The following MECOM variants were observed in gnomAD, a reference collection of about 807,000 sequenced individuals.
MECOM encodes MDS1 and EVI1 complex locus.
MECOM carries 13 observed loss-of-function variants against 116.3 expected under a neutral mutation model. That is an observed-to-expected ratio of 0.11 (90% CI 0.07 to 0.18). MECOM has a LOEUF of 0.18. MECOM is among the 10% of genes least tolerant of loss of function. The pLI is 1.00. For synonymous variants in MECOM, 528 were observed against 535.2 expected (o/e 0.99, Z 0.19); for missense variants, 1,299 against 1,509.0 (o/e 0.86, Z 2.31).
intron 2 of MECOM, among the ~76,000 whole-genome samples, chr3:169,365,079 C>T (rs1728930202): frequency 6.6e-6 from 1 of 151,982 alleles, no homozygotes; most frequent in South Asian, 2.1e-4. Flanking sequence ...CTCCTTGTCT[C>T]TTACAGGAGA....
At chr3:169,198,612 C>T (rs1274458250) in intron 2 of MECOM, among the ~76,000 whole-genome samples, 1 of 151,924 alleles carries the variant, frequency 6.6e-6, no homozygotes, top group Non-Finnish European at 1.5e-5. Flanking sequence ...GATTCTTTTT[C>T]CTTCGCATAC....
At chr3:169,221,668 A>C (rs1012066209) in intron 2 of MECOM, among the ~76,000 whole-genome samples, 1 of 152,152 alleles carries the variant, frequency 6.6e-6, no homozygotes, top group Non-Finnish European at 1.5e-5. Flanking sequence ...CTGGCTGTCA[A>C]ATCTCACAAC....
chr3:169,581,881 G>A (rs1432566122), intron 1 of MECOM, among the ~76,000 whole-genome samples: 1 of 152,232 alleles, frequency 6.6e-6, no homozygotes, highest in Non-Finnish European at 1.5e-5. Flanking sequence ...GACTAATGAA[G>A]TCGTGGTATA....
rs549590769 is a variant in MECOM at position 169,469,981 on chromosome 3, A to G, written c.38-88457T>C. Among the ~76,000 whole-genome samples, 14 of 152,306 alleles carry G rather than the reference A, an allele frequency of 9.2e-5. No homozygotes were observed. In the South Asian group the frequency reaches 2.9e-3, roughly 32 times the overall value. On this transcript the variant is annotated intron_variant, in intron 1 of 16. Transcript: ENST00000651503. ...TTCCAGCAGCTAGCCTTCCTAAGAA[A>G]CTGATATGATATTAAAGCTCCAGAG...
chr3:169,264,789 G>A (rs932532652), intron 2 of MECOM, among the ~76,000 whole-genome samples: 1 of 152,166 alleles, frequency 6.6e-6, no homozygotes, highest in Non-Finnish European at 1.5e-5. Context: ...TCTACCTAAA[G>A]AGTAAGCATT....
At chr3:169,627,225 A>G (rs1771491607) in intron 1 of MECOM, among the ~76,000 whole-genome samples, 1 of 152,160 alleles carries the variant, frequency 6.6e-6, no homozygotes, top group Non-Finnish European at 1.5e-5. Context: ...AAATGGCACT[A>G]TGTCGTGAGG....
In MECOM at chr3:169,450,812, A is replaced by C. The variant is rs181245442; in HGVS notation, c.38-69288T>G. 3.3e-5 allele frequency among the ~76,000 whole-genome samples: 5 copies of C among 152,326 alleles called. No individual in the cohort carries two copies. The East Asian group carries it at 9.6e-4, about 29-fold the overall frequency. On this transcript the variant is annotated intron_variant, in intron 1 of 16. Coordinates refer to ENST00000651503, the MANE Select transcript of MECOM (RefSeq NM_004991.4). ...GCAGAAATTTTCACAAAAGCTGTGC[A>C]TCAGGAGCTGTTATTACAAATGAGG...
At chr3:169,355,232 T>C (rs538862335) in intron 2 of MECOM, among the ~76,000 whole-genome samples, 158 of 152,106 alleles carry the variant, frequency 1.0e-3, no homozygotes, top group Middle Eastern at 3.4e-3. Flanking sequence ...TTTAGTTCTG[T>C]GTTTTACAAA....
chr3:169,253,032 C>T (rs1452453577), intron 2 of MECOM, among the ~76,000 whole-genome samples: 1 of 152,052 alleles, frequency 6.6e-6, no homozygotes, highest in African/African-American at 2.4e-5. Context: ...CATTCAAAAG[C>T]CTTGTGAGTC....
intron 1 of MECOM, among the ~76,000 whole-genome samples, chr3:169,536,564 A>AT (rs1759385588): frequency 1.3e-5 from 2 of 151,992 alleles, no homozygotes; most frequent in Non-Finnish European, 2.9e-5. Context: ...CAAAAAAAAA[A>AT]GAAAAAGAAA....
intron 1 of MECOM, among the ~76,000 whole-genome samples, chr3:169,556,746 A>G (rs866445546): frequency 4.6e-5 from 7 of 152,124 alleles, no homozygotes; most frequent in Non-Finnish European, 7.4e-5. Flanking sequence ...GAGACACCCA[A>G]GTGGCAAGGA....
intron 1 of MECOM, among the ~76,000 whole-genome samples, chr3:169,543,248 T>C (rs561887658): frequency 6.6e-6 from 1 of 152,314 alleles, no homozygotes; most frequent in Non-Finnish European, 1.5e-5. Context: ...ATATTTATTA[T>C]TTGATGTAGG....
chr3:169,281,615 A>C (rs542248687), intron 2 of MECOM, among the ~76,000 whole-genome samples: 4 of 152,276 alleles, frequency 2.6e-5, no homozygotes, highest in South Asian at 4.1e-4. Context: ...GTTCAAAGCC[A>C]ACCTGGGCAA....
At chr3:169,185,092 C>T (rs900990858) in intron 2 of MECOM, among the ~76,000 whole-genome samples, 2 of 152,054 alleles carry the variant, frequency 1.3e-5, no homozygotes, top group African/African-American at 2.4e-5. Context: ...AAAACGGAAA[C>T]GTTCAGGTGG....
chr3:169,095,426 A>G (rs1219496224), intron 12 of MECOM, among the ~76,000 whole-genome samples, 181 bp from the exon 13 acceptor site: 1 of 152,172 alleles, frequency 6.6e-6, no homozygotes, highest in Non-Finnish European at 1.5e-5. Context: ...TGCTTTAAAG[A>G]CTTTCATGAC....
intron 5 of MECOM, among the ~76,000 whole-genome samples, chr3:169,123,404 CA>C (rs1406854650): frequency 6.6e-6 from 1 of 151,256 alleles, no homozygotes; most frequent in East Asian, 1.9e-4. Flanking sequence ...TAAGTGGATG[CA>C]ACATTTAAGT....
In MECOM at chr3:169,367,818, T is replaced by C. The variant is rs569609526; in HGVS notation, c.375+13369A>G. Among the ~76,000 whole-genome samples, 54 of 150,996 alleles carry C rather than the reference T, an allele frequency of 3.6e-4. 1 individual carries two copies. In the South Asian group the frequency reaches 8.1e-3, roughly 23 times the overall value. On this transcript the variant is annotated intron_variant, in intron 2 of 16. Coordinates refer to ENST00000651503, the MANE Select transcript of MECOM (RefSeq NM_004991.4). Reference sequence around the variant, plus strand: ...CAATAATACAATTAACTTTCAATTGTTCTTGAAGCTGATTGTCTGGTTCCT... The same window carrying C: ...CAATAATACAATTAACTTTCAATTGCTCTTGAAGCTGATTGTCTGGTTCCT...
At chr3:169,522,450 CTT>C (rs35414825) in intron 1 of MECOM, among the ~76,000 whole-genome samples, 2,992 of 152,196 alleles carry the variant, frequency 0.02, 33 homozygotes, top group Middle Eastern at 0.037. Flanking sequence ...TAATAACAGA[CTT>C]AGCATCCTTC....
At chr3:169,181,889 T>C (rs1197161922) in intron 2 of MECOM, among the ~76,000 whole-genome samples, 1 of 152,228 alleles carries the variant, frequency 6.6e-6, no homozygotes, top group African/African-American at 2.4e-5. Context: ...CTCAGCTTTC[T>C]CATCTGTGCA....
Sources: allele counts gnomAD v4.1 joint callset (sites outside exome capture counted in the v4.1 genomes callset), GRCh38; gene constraint gnomAD v4.1.1; transcripts MANE v1.5; gene names NCBI Gene and HGNC (gene_info 2026-07-23, HGNC 2026-07-21).